The following MYLK3 variants were observed in gnomAD, a reference collection of about 807,000 sequenced individuals.
The protein encoded by MYLK3 is MLC kinase.
Under a neutral mutation model 76.3 loss-of-function variants are expected in MYLK3, and 55 were observed. The observed-to-expected ratio is 0.72, with a 90% CI of 0.58 to 0.90. The LOEUF is 0.90. Among genes scored for constraint, MYLK3 ranks in the 40% least tolerant of loss-of-function variants. The pLI, the probability that MYLK3 is intolerant of heterozygous loss-of-function variation, is 0.00. For missense variants in MYLK3, 973 were observed against 1,053.6 expected, an observed-to-expected ratio of 0.92 and a Z score of 1.06; for synonymous variants, 416 against 425.4, an observed-to-expected ratio of 0.98 and a Z score of 0.27.
intron 1 of MYLK3, among the ~76,000 whole-genome samples, chr16:46,742,303 T>C (rs188907161): frequency 3.5e-4 from 53 of 152,068 alleles, no homozygotes; most frequent in African/African-American, 1.1e-3. Context: ...ACGCCTGTAA[T>C]CCCAGCACTT....
rs969140858 is a variant in MYLK3 at position 46,738,031 on chromosome 16, A to G, written c.681T>C (p.Asp227=). ...ATGCCTGGGCTGGGCCAGGAACACCATCTCCCTGGCCCGGTGAGACCACTG... is the reference window on the plus strand; with the variant it reads ...ATGCCTGGGCTGGGCCAGGAACACCGTCTCCCTGGCCCGGTGAGACCACTG... ...AQAVVSPGQG[D]GVPGPAQAFP... The change falls in exon 3 of 13, where the codon GAT becomes GAC. Residue 227 remains aspartate, a synonymous_variant. Coordinates refer to ENST00000394809, the MANE Select transcript of MYLK3 (RefSeq NM_182493.3). The G allele has an allele frequency of 1.2e-6, 2 of 1,612,328 alleles. No homozygotes were observed. The highest frequency in any genetic ancestry group is 1.7e-6 in the Non-Finnish European group (2 of 1,179,854).
chr16:46,721,305 G>A, intron 8 of MYLK3, 112 bp from the exon 9 acceptor site: 1 of 882,308 alleles, frequency 1.1e-6, no homozygotes, highest in South Asian at 1.4e-5. Flanking sequence ...GAATGGCTCA[G>A]GGCAGCCCTG....
chr16:46,762,921 T>C (rs1350771841), intron 1 of MYLK3: 4 of 785,444 alleles, frequency 5.1e-6, no homozygotes, highest in Non-Finnish European at 6.2e-6. Flanking sequence ...CTGCTCATTT[T>C]TCTTGTCGTT....
intron 2 of MYLK3, 62 bp from the exon 3 acceptor site, chr16:46,738,205 C>T: frequency 7.3e-7 from 1 of 1,371,264 alleles, no homozygotes; most frequent in Non-Finnish European, 9.7e-7. Flanking sequence ...CACAAAGATA[C>T]TGCAAGGAAT....
chr16:46,737,772 C>G lies in MYLK3; in HGVS notation c.940G>C (p.Gly314Arg), dbSNP rs1966876296. Residue 314 changes from glycine (G) to arginine (R), a missense_variant, in exon 3 of 13, where the codon GGG becomes CGG. Transcript: ENST00000394809. ...LTPGPGPQCPGPPGLPAQARA... is the reference protein window; with the variant it reads ...LTPGPGPQCPRPPGLPAQARA... Reference sequence around the variant, plus strand: ...GCCTGGGCTGGCAGCCCTGGAGGCCCTGGGCACTGAGGGCCAGGCCCTGGA... The same window carrying G: ...GCCTGGGCTGGCAGCCCTGGAGGCCGTGGGCACTGAGGGCCAGGCCCTGGA... 1 of 1,611,648 alleles carries G rather than the reference C, an allele frequency of 6.2e-7. No homozygotes were observed. The highest frequency in any genetic ancestry group is 1.3e-5 in the African/African-American group (1 of 74,894).
intron 1 of MYLK3, among the ~76,000 whole-genome samples, chr16:46,757,803 G>A (rs1967219853): frequency 6.6e-6 from 1 of 152,222 alleles, no homozygotes; most frequent in African/African-American, 2.4e-5. Context: ...CAAACACCGT[G>A]TGGTCCAAGG....
chr16:46,716,286 A>T (rs2143013124), intron 9 of MYLK3, among the ~76,000 whole-genome samples: 1 of 152,158 alleles, frequency 6.6e-6, no homozygotes, highest in Non-Finnish European at 1.5e-5. Flanking sequence ...TGGATTGGGC[A>T]CTGTAGTGTT....
intron 1 of MYLK3, among the ~76,000 whole-genome samples, chr16:46,754,568 T>C (rs960825205): frequency 5.3e-5 from 8 of 152,182 alleles, no homozygotes; most frequent in Non-Finnish European, 1.2e-4. Flanking sequence ...CTCTGGACTC[T>C]ACAGAGAGGG....
chr16:46,758,395 G>A (rs1967233450), intron 1 of MYLK3, among the ~76,000 whole-genome samples: 1 of 151,178 alleles, frequency 6.6e-6, no homozygotes, highest in Non-Finnish European at 1.5e-5. Flanking sequence ...GAGAGACAGG[G>A]CTGTCGGCTT....
At chr16:46,739,771 A>C (rs575938108) in intron 2 of MYLK3, among the ~76,000 whole-genome samples, 2 of 152,338 alleles carry the variant, frequency 1.3e-5, no homozygotes, top group Non-Finnish European at 2.9e-5. Flanking sequence ...TTAGTAGTTA[A>C]ATTTTGGAAG....
At chr16:46,762,913 G>T in intron 1 of MYLK3, 1 of 679,564 alleles carries the variant, frequency 1.5e-6, no homozygotes, top group Non-Finnish European at 1.8e-6. Flanking sequence ...ACCAAGAGCT[G>T]CTCATTTTTC....
chr16:46,738,999 C>T (rs561040356), intron 2 of MYLK3, among the ~76,000 whole-genome samples: 37 of 152,240 alleles, frequency 2.4e-4, no homozygotes, highest in African/African-American at 7.9e-4. Flanking sequence ...TGCCACCATG[C>T]CCAGTTAATT....
At position 46,748,038 on chromosome 16, in the gene MYLK3, G is replaced by A; in HGVS notation, c.156C>T (p.Ser52=). 3.7e-6 allele frequency: 6 copies of A among 1,614,134 alleles called. No homozygotes were observed. The highest frequency in any genetic ancestry group is 5.1e-6 in the Non-Finnish European group (6 of 1,180,042). ...FQEDVTEKLQ[S]MCRDMGHLER... ...CCAGGTGGCCCATGTCTCGGCACAT[G>A]CTCTGCAACTTCTCTGTGACATCTT... Residue 52 remains serine, a synonymous_variant, in exon 1 of 13, where the codon AGC becomes AGT. Coordinates refer to ENST00000394809, the MANE Select transcript of MYLK3 (RefSeq NM_182493.3). This position sits in a 1 kb window ranked among gnomAD's most constrained non-coding sequence, Gnocchi z 4.3.
chr16:46,761,044 G>A (rs571370878), intron 1 of MYLK3, among the ~76,000 whole-genome samples: 6 of 152,280 alleles, frequency 3.9e-5, no homozygotes, highest in African/African-American at 1.2e-4. Context: ...TGGTGCCAGC[G>A]AACTCAGCAT....
At chr16:46,734,262 T>C (rs1966859025) in intron 3 of MYLK3, among the ~76,000 whole-genome samples, 2 of 152,162 alleles carry the variant, frequency 1.3e-5, no homozygotes, top group Admixed American at 6.5e-5. Flanking sequence ...TGACACACAC[T>C]ACAGCATCGA....
chr16:46,744,600 C>T (rs1966991176), intron 1 of MYLK3, among the ~76,000 whole-genome samples: 1 of 152,080 alleles, frequency 6.6e-6, no homozygotes, highest in African/African-American at 2.4e-5. Flanking sequence ...CCTCGGCCTC[C>T]CAAAGTGCTG....
rs1369086450 is a variant in MYLK3, at chr16:46,732,213, A to G, written c.1457T>C (p.Val486Ala). The G allele has an allele frequency of 6.3e-7, 1 of 1,580,896 alleles. No individual in the cohort carries two copies. The highest frequency in any genetic ancestry group is 2.2e-5 in the East Asian group (1 of 44,528). The change falls in exon 4 of 13, where the codon GTT becomes GCT. Residue 486 changes from valine (V) to alanine (A), a missense_variant. Physicochemically the swap from Val to Ala is moderately conservative, Grantham distance 64 (BLOSUM62 0). Transcript: ENST00000394809. ...CAGGCAACAGCCCCACTTACCCAGA[A>G]CCACGCTGCCAGCCTCGGCGCCTGG... is the stretch of plus-strand genomic sequence containing the variant. ...MPPGAEAGSV[V>A]LDDSPAPPAP...
chr16:46,747,948 G>A lies in MYLK3; in HGVS notation c.246C>T (p.Pro82=), dbSNP rs529912663. ...APGPGGADGV[P]HIDTQAGWPE... is the part of the protein sequence containing the mutation. Reference sequence around the variant, plus strand: ...GCCACCCAGCCTGGGTGTCAATGTGGGGAACCCCATCAGCCCCGCCCGGGC... The same window carrying A: ...GCCACCCAGCCTGGGTGTCAATGTGAGGAACCCCATCAGCCCCGCCCGGGC... Residue 82 remains proline (P), a synonymous_variant, in exon 1 of 13, where the codon CCC becomes CCT. Coordinates refer to ENST00000394809, the MANE Select transcript of MYLK3 (RefSeq NM_182493.3). The A allele has an allele frequency of 3.8e-5, 62 of 1,613,374 alleles. No homozygotes were observed. The South Asian group carries it at 6.1e-4, about 16-fold the overall frequency.
At chr16:46,714,453 A>G (rs1695876483) in intron 9 of MYLK3, among the ~76,000 whole-genome samples, 2 of 152,178 alleles carry the variant, frequency 1.3e-5, no homozygotes, top group Admixed American at 6.5e-5. Context: ...AAGAGCAGCA[A>G]GGTGACGGGG....
Sources: allele counts gnomAD v4.1 joint callset (sites outside exome capture counted in the v4.1 genomes callset), GRCh38; gene constraint gnomAD v4.1.1; non-coding constraint Gnocchi (gnomAD v3.1); transcripts MANE v1.5; gene names NCBI Gene and HGNC (gene_info 2026-07-23, HGNC 2026-07-21).